OMA1: variants seen among roughly 807,000 people sequenced by gnomAD.
OMA1 encodes OMA1 zinc metallopeptidase, also known as metalloendopeptidase OMA1, mitochondrial.
OMA1 carries 38 observed loss-of-function variants against 30.9 expected under a neutral mutation model. The observed-to-expected ratio is 1.23, with a 90% CI of 0.95 to 1.61. The LOEUF (loss-of-function observed/expected upper bound fraction) is 1.61, where lower values mean the gene tolerates loss of function less well. OMA1 is among the 40% of genes most tolerant of loss of function. The probability of loss-of-function intolerance (pLI) is 0.00; values close to 1 mark genes in which losing one functional copy is unlikely to be tolerated. For missense variants in OMA1, 461 were observed against 349.2 expected, an observed-to-expected ratio of 1.32 and a Z score of -2.55; for synonymous variants, 173 against 121.9, an observed-to-expected ratio of 1.42 and a Z score of -2.76.
intron 8 of OMA1, among the ~76,000 whole-genome samples, chr1:58,488,853 C>A (rs1445076802): frequency 6.6e-6 from 1 of 152,226 alleles, no homozygotes; most frequent in East Asian, 1.9e-4. Flanking sequence ...AGCTTAGCTC[C>A]CACTTATCAG....
At chr1:58,492,251 A>C (rs1645709041) in intron 8 of OMA1, among the ~76,000 whole-genome samples, 1 of 152,250 alleles carries the variant, frequency 6.6e-6, no homozygotes, top group Non-Finnish European at 1.5e-5. Flanking sequence ...AATCTCTGAG[A>C]CACATTCAAA....
intron 8 of OMA1, among the ~76,000 whole-genome samples, chr1:58,493,271 A>G (rs1421562293): frequency 1.3e-5 from 2 of 152,218 alleles, no homozygotes; most frequent in African/African-American, 4.8e-5. Flanking sequence ...GTATCTCAAA[A>G]TAGTAAGAGC....
chr1:58,503,859 G>T (rs1219178207), intron 8 of OMA1, among the ~76,000 whole-genome samples: 3 of 152,166 alleles, frequency 2.0e-5, no homozygotes, highest in Non-Finnish European at 4.4e-5. Flanking sequence ...TAAAATAGGT[G>T]TTAAGAAGCC....
intron 2 of OMA1, among the ~76,000 whole-genome samples, chr1:58,537,819 T>C (rs1003234747): frequency 2.6e-5 from 4 of 152,204 alleles, no homozygotes; most frequent in African/African-American, 9.6e-5. Flanking sequence ...CATGACATTA[T>C]CCTTTATTTA....
At position 58,485,654 on chromosome 1, in the gene OMA1, G is replaced by A. The variant is rs577844372; in HGVS notation, c.1366-4480C>T. On this transcript the variant is annotated intron_variant, in intron 8 of 8. Transcript: ENST00000371226. The stretch of plus-strand genomic sequence containing the variant: ...ATTTTATATATTTCAGGGCGCCAAT[G>A]TCTTTTTATTTTTATAAATTCTAAT... 8.6e-5 allele frequency among the ~76,000 whole-genome samples: 13 copies of A among 151,850 alleles called. No homozygotes were observed. In the South Asian group the frequency reaches 2.7e-3, roughly 32 times the overall value.
rs116726602 is a variant in OMA1, at chr1:58,526,665, T to G, written c.1215+596A>C. On this transcript the variant is annotated intron_variant, in intron 7 of 8. Transcript: ENST00000371226. ...AACCTAAATGTCTGTTCGTCTACTG[T>G]TTATTTAAATGGTAGAAAATCAGTT... 4.5e-3 allele frequency among the ~76,000 whole-genome samples: 680 copies of G among 150,808 alleles called. 6 individuals carry two copies. Among genetic ancestry groups the G allele is most frequent in the Non-Finnish European group, 7.5e-3 (511 of 67,798 alleles).
chr1:58,518,339 A>AAGG (rs1646203972), intron 7 of OMA1, among the ~76,000 whole-genome samples: 2 of 97,856 alleles, frequency 2.0e-5, no homozygotes. Context: ...AGAAGAGAAG[A>AAGG]GAAGAGAAGA....
intron 1 of OMA1, among the ~76,000 whole-genome samples, chr1:58,540,696 C>T (rs1646592787): frequency 6.9e-6 from 1 of 145,168 alleles, no homozygotes; most frequent in Non-Finnish European, 1.5e-5. Context: ...AAATGAAATA[C>T]AGAGAAAAAA....
intron 6 of OMA1, among the ~76,000 whole-genome samples, chr1:58,529,582 G>A (rs1242391848): frequency 6.6e-6 from 1 of 152,184 alleles, no homozygotes; most frequent in Non-Finnish European, 1.5e-5. Flanking sequence ...AAGCAAGGAA[G>A]GATGGCAAAG....
chr1:58,504,926 T>C (rs577945990), intron 8 of OMA1, among the ~76,000 whole-genome samples: 1 of 152,164 alleles, frequency 6.6e-6, no homozygotes, highest in East Asian at 1.9e-4. Flanking sequence ...CCGTATTTGT[T>C]GGGCTGAATT....
At chr1:58,511,605 G>C (rs1367588173) in intron 7 of OMA1, among the ~76,000 whole-genome samples, 3 of 151,876 alleles carry the variant, frequency 2.0e-5, no homozygotes, top group Non-Finnish European at 4.4e-5. Context: ...CTCTAGCCTG[G>C]GTAACAGAGC....
intron 1 of OMA1, among the ~76,000 whole-genome samples, chr1:58,545,418 C>A (rs746774384): frequency 6.6e-6 from 1 of 152,000 alleles, no homozygotes; most frequent in Admixed American, 6.6e-5. Flanking sequence ...TTTGTAATAC[C>A]CGGTTTATCC....
chr1:58,495,260 G>C (rs1363871421), intron 8 of OMA1, among the ~76,000 whole-genome samples: 7 of 152,040 alleles, frequency 4.6e-5, no homozygotes, highest in African/African-American at 1.7e-4. Context: ...CACACACAGG[G>C]GTCTGTTGTG....
At chr1:58,518,177 A>T (rs949673016) in intron 7 of OMA1, among the ~76,000 whole-genome samples, 5 of 114,034 alleles carry the variant, frequency 4.4e-5, no homozygotes, top group African/African-American at 1.6e-4. Flanking sequence ...CAAAAGTGAA[A>T]TTCTGTCAGA....
At chr1:58,487,831 G>A (rs1244851452) in intron 8 of OMA1, among the ~76,000 whole-genome samples, 1 of 151,046 alleles carries the variant, frequency 6.6e-6, no homozygotes, top group African/African-American at 2.4e-5. Context: ...ATTTTGACCT[G>A]AGCTATTAAT....
rs557130584 is a variant in OMA1 at position 58,489,808 on chromosome 1, C to T, written c.1366-8634G>A. On this transcript the variant is annotated intron_variant, in intron 8 of 8. Transcript: ENST00000371226. ...CCAATATCCGCTGTTCTGCAGCCTC[C>T]GCTGCTGATATCCAGGCAAACAGGG... Among the ~76,000 whole-genome samples, 11 of 152,330 alleles carry T rather than the reference C, an allele frequency of 7.2e-5. No homozygotes were observed. In the East Asian group the frequency reaches 1.7e-3, roughly 24 times the overall value.
chr1:58,543,234 T>C (rs1235816916), intron 1 of OMA1, among the ~76,000 whole-genome samples: 1 of 152,240 alleles, frequency 6.6e-6, no homozygotes, highest in East Asian at 1.9e-4. Context: ...GTTTACATGG[T>C]ATAAAACAGT....
rs78352158 is a variant in OMA1, at chr1:58,503,700, A to T, written c.1365+2360T>A. Among the ~76,000 whole-genome samples, 31 of 152,124 alleles carry T rather than the reference A, an allele frequency of 2.0e-4. No homozygotes were observed. The East Asian group carries it at 4.9e-3, about 24-fold the overall frequency. Reference sequence around the variant, plus strand: ...GGTTACAAGGAGAAGATGGCTGTTTATGAGCTGGGAAGTGGGCCCTCACCA... The same window carrying T: ...GGTTACAAGGAGAAGATGGCTGTTTTTGAGCTGGGAAGTGGGCCCTCACCA... On this transcript the variant is annotated intron_variant, in intron 8 of 8. Coordinates refer to ENST00000371226, the MANE Select transcript of OMA1 (RefSeq NM_145243.5).
chr1:58,532,227 T>A (rs1646444831), intron 5 of OMA1, among the ~76,000 whole-genome samples: 1 of 152,156 alleles, frequency 6.6e-6, no homozygotes, highest in Non-Finnish European at 1.5e-5. Flanking sequence ...GTGCTGACAA[T>A]GTTTAAGATC....
Sources: allele counts gnomAD v4.1 joint callset (sites outside exome capture counted in the v4.1 genomes callset), GRCh38; gene constraint gnomAD v4.1.1; transcripts MANE v1.5; gene names NCBI Gene and HGNC (gene_info 2026-07-23, HGNC 2026-07-21).